The following PRKN variants were observed in gnomAD, a reference collection of about 807,000 sequenced individuals.
PRKN encodes parkin RBR E3 ubiquitin protein ligase, also known as E3 ubiquitin-protein ligase parkin.
In PRKN, 56 loss-of-function variants were observed where a neutral mutation model predicts 59.5. The ratio of observed to expected loss-of-function variants is 0.94; its 90% CI spans 0.76 to 1.18. The LOEUF is 1.18. PRKN is among the 50% of genes most tolerant of loss of function. PRKN has a pLI of 0.00. For missense variants in PRKN, 657 were observed against 596.4 expected, an observed-to-expected ratio of 1.10 and a Z score of -1.06; for synonymous variants, 250 against 222.1, an observed-to-expected ratio of 1.13 and a Z score of -1.12.
chr6:161,941,021 G>T (rs777058236), intron 6 of PRKN, among the ~76,000 whole-genome samples: 1 of 152,236 alleles, frequency 6.6e-6, no homozygotes, highest in Non-Finnish European at 1.5e-5. Context: ...TGGAAGTGCT[G>T]GGAAGGGAAT....
chr6:161,656,717 C>T (rs775885837), intron 7 of PRKN, among the ~76,000 whole-genome samples: 3 of 152,152 alleles, frequency 2.0e-5, no homozygotes, highest in Non-Finnish European at 4.4e-5. Context: ...CAAGTAGCTC[C>T]CACCCTTGGC....
rs543325496 is a variant in PRKN at position 162,530,025 on chromosome 6, G to A, written c.8-86552C>T. Among the ~76,000 whole-genome samples, 17 of 152,148 alleles carry A rather than the reference G, an allele frequency of 1.1e-4. No individual in the cohort carries two copies. The East Asian group carries it at 3.1e-3, about 28-fold the overall frequency. On this transcript the variant is annotated intron_variant, in intron 1 of 11. Transcript: ENST00000366898. ...CATGTCTGTAATCCCAGCTACTCAG[G>A]AGGCTGAGGTGGGAGAATTGCTTGA...
At chr6:162,620,664 T>G (rs1477637823) in intron 1 of PRKN, among the ~76,000 whole-genome samples, 1 of 152,212 alleles carries the variant, frequency 6.6e-6, no homozygotes, top group Non-Finnish European at 1.5e-5. Context: ...CTCCTGTATA[T>G]CATCCTTTTA....
At chr6:161,896,975 T>G (rs561231263) in intron 6 of PRKN, among the ~76,000 whole-genome samples, 8 of 152,326 alleles carry the variant, frequency 5.3e-5, no homozygotes, top group African/African-American at 1.9e-4. Context: ...TTGGGCATGA[T>G]AGAATTGGAG....
chr6:162,040,610 G>A (rs927077487), intron 5 of PRKN, among the ~76,000 whole-genome samples: 7 of 143,660 alleles, frequency 4.9e-5, no homozygotes, highest in African/African-American at 1.8e-4. Context: ...TTGTAGAGAC[G>A]GGGTTTCACC....
intron 6 of PRKN, among the ~76,000 whole-genome samples, chr6:161,967,093 G>A (rs562150638): frequency 6.6e-6 from 1 of 152,298 alleles, no homozygotes; most frequent in African/African-American, 2.4e-5. Flanking sequence ...GCCTCCCAAG[G>A]TGCTGGGATT....
intron 1 of PRKN, among the ~76,000 whole-genome samples, chr6:162,499,451 T>C (rs1391097936): frequency 6.6e-6 from 1 of 152,180 alleles, no homozygotes; most frequent in East Asian, 1.9e-4. Context: ...GCAGGCCGTA[T>C]GATACTCTTA....
intron 1 of PRKN, among the ~76,000 whole-genome samples, chr6:162,641,565 G>A (rs1777959967): frequency 6.6e-6 from 1 of 152,022 alleles, no homozygotes; most frequent in African/African-American, 2.4e-5. Flanking sequence ...ACTGAACTTC[G>A]TGTTTGTTTA....
At chr6:161,381,992 G>A (rs1209514920) in intron 10 of PRKN, among the ~76,000 whole-genome samples, 1 of 151,514 alleles carries the variant, frequency 6.6e-6, no homozygotes, top group African/African-American at 2.4e-5. Flanking sequence ...GGTGCCTGTA[G>A]TTTCAGCTAC....
At chr6:162,446,239 T>C (rs370896672) in intron 1 of PRKN, among the ~76,000 whole-genome samples, 5 of 152,118 alleles carry the variant, frequency 3.3e-5, no homozygotes, top group African/African-American at 1.2e-4. Flanking sequence ...GGACAAAAGA[T>C]ATGACCCCAG....
At chr6:162,077,459 G>A (rs112465995) in intron 4 of PRKN, among the ~76,000 whole-genome samples, 30 of 152,142 alleles carry the variant, frequency 2.0e-4, no homozygotes, top group African/African-American at 5.8e-4. Context: ...CCCCATGCAC[G>A]TTTGCCACTT....
chr6:161,590,851 T>C (rs1255343218), intron 7 of PRKN, among the ~76,000 whole-genome samples: 1 of 151,924 alleles, frequency 6.6e-6, no homozygotes, highest in Non-Finnish European at 1.5e-5. Context: ...AATTCCACAG[T>C]CATAATAGAC....
At chr6:161,915,284 AAAAAT>A (rs1170023055) in intron 6 of PRKN, among the ~76,000 whole-genome samples, 4 of 152,204 alleles carry the variant, frequency 2.6e-5, no homozygotes, top group Admixed American at 2.0e-4. Context: ...GACTCTGTTT[AAAAAT>A]AAAATAAAAT....
chr6:161,430,131 G>A (rs1007767289), intron 9 of PRKN, among the ~76,000 whole-genome samples: 1 of 152,122 alleles, frequency 6.6e-6, no homozygotes, highest in Admixed American at 6.5e-5. Context: ...CCGTGAGCAG[G>A]ACTGCCATTG....
At chr6:161,869,592 C>G (rs924038683) in intron 6 of PRKN, among the ~76,000 whole-genome samples, 2 of 152,086 alleles carry the variant, frequency 1.3e-5, no homozygotes, top group African/African-American at 4.8e-5. Flanking sequence ...CACATCACCC[C>G]GCTTCAACTC....
Position 162,165,925 on chromosome 6 carries a change from G to A in PRKN, c.534+35206C>T, listed in dbSNP as rs556760946. Reference sequence around the variant, plus strand: ...TAGCCGGGTGTGGTGGTGGGCACCTGTAGTCTCAGCTACTCAGGAGGCTGA... The same window carrying A: ...TAGCCGGGTGTGGTGGTGGGCACCTATAGTCTCAGCTACTCAGGAGGCTGA... On this transcript the variant is annotated intron_variant, in intron 4 of 11. Coordinates refer to ENST00000366898, the MANE Select transcript of PRKN (RefSeq NM_004562.3). Among the ~76,000 whole-genome samples the A allele has an allele frequency of 2.6e-5, 4 of 151,808 alleles. No individual in the cohort carries two copies. The South Asian group carries it at 8.3e-4, about 32-fold the overall frequency.
rs1786793672 is a variant in PRKN at position 161,397,024 on chromosome 6, C to G, written c.1084-10147G>C. ...GCCCTGCAGGTATACCTGTTCTGGCCCCTTTCCCCTGCAGCCTCAGCCAAA... is the reference window on the plus strand; with the variant it reads ...GCCCTGCAGGTATACCTGTTCTGGCGCCTTTCCCCTGCAGCCTCAGCCAAA... On this transcript the variant is annotated intron_variant, in intron 9 of 11. Coordinates refer to ENST00000366898, the MANE Select transcript of PRKN (RefSeq NM_004562.3). The surrounding 1 kb of genome is among the most constrained non-coding windows in gnomAD (Gnocchi z 4.2). 6.6e-6 allele frequency among the ~76,000 whole-genome samples: 1 copy of G among 152,142 alleles called. No homozygotes were observed. Among genetic ancestry groups the G allele is most frequent in the Admixed American group, 6.5e-5 (1 of 15,280 alleles).
chr6:162,529,345 A>C (rs1778412456), intron 1 of PRKN, among the ~76,000 whole-genome samples: 2 of 152,116 alleles, frequency 1.3e-5, no homozygotes, highest in African/African-American at 4.8e-5. Flanking sequence ...AAGCATGCCT[A>C]TATATTCTAA....
chr6:161,830,900 C>T (rs949005700), intron 6 of PRKN, among the ~76,000 whole-genome samples: 12 of 152,124 alleles, frequency 7.9e-5, no homozygotes. Context: ...GAGGTGCAGC[C>T]TGGAGAGGAA....
Sources: allele counts gnomAD v4.1 joint callset (sites outside exome capture counted in the v4.1 genomes callset), GRCh38; gene constraint gnomAD v4.1.1; non-coding constraint Gnocchi (gnomAD v3.1); transcripts MANE v1.5; gene names NCBI Gene and HGNC (gene_info 2026-07-23, HGNC 2026-07-21).